Variants in AP2A2 observed in about 807,000 individuals in gnomAD.
The protein encoded by AP2A2 is adaptor related protein complex 2 subunit alpha 2.
In AP2A2, 32 loss-of-function variants were observed where a neutral mutation model predicts 104.2. The ratio of observed to expected loss-of-function variants is 0.31; its 90% CI spans 0.23 to 0.41. The LOEUF is 0.41. AP2A2 is among the 10% of genes least tolerant of loss of function. The pLI is 1.00. For synonymous variants in AP2A2, 539 were observed against 533.3 expected (o/e 1.01, Z -0.15); for missense variants, 912 against 1,261.0 (o/e 0.72, Z 4.19).
chr11:1,009,605 G>T (rs1264794465), intron 20 of AP2A2, 78 bp from the exon 21 acceptor site: 3 of 1,173,018 alleles, frequency 2.6e-6, no homozygotes, highest in Non-Finnish European at 3.6e-6. Context: ...CAGCGCCAGG[G>T]TCTGGAGGGG....
chr11:994,023 G>A (rs1431006691), intron 13 of AP2A2, 38 bp downstream of exon 13: 3 of 1,609,294 alleles, frequency 1.9e-6, no homozygotes, highest in Non-Finnish European at 2.5e-6. Flanking sequence ...CTTGGCTGAG[G>A]GTTGGAGGCC....
chr11:978,927 C>T (rs1337153332), intron 5 of AP2A2, among the ~76,000 whole-genome samples: 20 of 152,102 alleles, frequency 1.3e-4, no homozygotes, highest in Non-Finnish European at 2.9e-5. Flanking sequence ...GGCCCGAGTG[C>T]TGCATGGGCA....
intron 14 of AP2A2, among the ~76,000 whole-genome samples, chr11:997,054 C>G (rs1051902395): frequency 6.6e-6 from 1 of 152,136 alleles, no homozygotes; most frequent in Non-Finnish European, 1.5e-5. Flanking sequence ...ACACTCCTGG[C>G]GAAGTTTTCT....
chr11:1,007,878 C>T (rs1856261964), intron 17 of AP2A2, 134 bp from the exon 18 acceptor site: 3 of 1,322,516 alleles, frequency 2.3e-6, no homozygotes, highest in Non-Finnish European at 3.1e-6. Context: ...GGTGTGGCTG[C>T]CCTCGACCCG....
chr11:979,780 T>C (rs1855178964), intron 5 of AP2A2, among the ~76,000 whole-genome samples: 1 of 152,172 alleles, frequency 6.6e-6, no homozygotes, highest in Admixed American at 6.5e-5. Context: ...TTGGCCAGGC[T>C]GGTCTTGAGC....
rs748889694 is a variant in AP2A2 at position 1,009,148 on chromosome 11, C to G, written c.2469C>G (p.Leu823=). ...QNVSVQLPIT[L]NKFFQPTEMA... is the part of the protein sequence containing the mutation. The stretch of plus-strand genomic sequence containing the variant: ...TGTCTGTGCAGCTGCCCATCACTCT[C>G]AACAAATTCTTCCAGCCGACAGAAA... Residue 823 remains leucine, a synonymous_variant, in exon 19 of 22, where the codon CTC becomes CTG. Coordinates refer to ENST00000448903, the MANE Select transcript of AP2A2 (RefSeq NM_012305.4). 58 of 1,613,536 alleles carry G rather than the reference C, an allele frequency of 3.6e-5. No individual in the cohort carries two copies. Among genetic ancestry groups the G allele is most frequent in the Non-Finnish European group, 4.5e-5 (53 of 1,179,904 alleles).
At chr11:990,534 C>T (rs745826443) in intron 10 of AP2A2, among the ~76,000 whole-genome samples, 3 of 152,144 alleles carry the variant, frequency 2.0e-5, no homozygotes, top group Non-Finnish European at 2.9e-5. Flanking sequence ...TTCGTCAGCC[C>T]GGTGTCTGCT....
rs999461882 is a variant in AP2A2 at position 1,008,061 on chromosome 11, G to A, written c.2346G>A (p.Ala782=). The change falls in exon 18 of 22, where the codon GCG becomes GCA. Residue 782 remains alanine (A), a synonymous_variant. Coordinates refer to ENST00000448903, the MANE Select transcript of AP2A2 (RefSeq NM_012305.4). ...TGGACCCGACCGTGGAGGGGGGCGC[G>A]CAGGTGCAGCAGGTGGTCAACATAG... ...KPVDPTVEGG[A]QVQQVVNIEC... is the part of the protein sequence containing the mutation. The A allele has an allele frequency of 1.6e-5, 25 of 1,587,166 alleles. No individual in the cohort carries two copies. The highest frequency in any genetic ancestry group is 9.4e-5 in the African/African-American group (7 of 74,364).
At position 940,943 on chromosome 11, in the gene AP2A2, G is replaced by T. The variant is rs536328935; in HGVS notation, c.67+14855G>T. On this transcript the variant is annotated intron_variant, in intron 1 of 21. Coordinates refer to ENST00000448903, the MANE Select transcript of AP2A2 (RefSeq NM_012305.4). ...CCGGCTGCCATCATTCTGGGATGGGGCATCTCACCCCTCGGGGAGTCTGTC... is the reference window on the plus strand; with the variant it reads ...CCGGCTGCCATCATTCTGGGATGGGTCATCTCACCCCTCGGGGAGTCTGTC... The T allele has an allele frequency of 6.9e-4, 315 of 456,066 alleles. 1 individual carries two copies. The highest frequency in any genetic ancestry group is 6.1e-3 in the African/African-American group (305 of 50,192). 28.3% of individuals were successfully genotyped at this position (456,066 alleles called of 1,614,324 possible).
chr11:985,369 C>T (rs1175432740), intron 7 of AP2A2, 66 bp from the exon 8 acceptor site: 19 of 1,558,646 alleles, frequency 1.2e-5, no homozygotes, highest in Middle Eastern at 1.8e-4. Flanking sequence ...TGGGTGCAGC[C>T]GGGAGGGGCA....
chr11:933,097 T>C (rs185786041), intron 1 of AP2A2, among the ~76,000 whole-genome samples: 4,483 of 152,212 alleles, frequency 0.029, 90 homozygotes, highest in South Asian at 0.044. Context: ...TGGAAAAACA[T>C]GTCTCTACTA....
intron 6 of AP2A2, among the ~76,000 whole-genome samples, chr11:983,608 C>A (rs576690970): frequency 1.0e-3 from 153 of 152,250 alleles, no homozygotes; most frequent in South Asian, 9.3e-3. Flanking sequence ...TGGTCTCGAT[C>A]TCCTGACCTT....
chr11:972,466 G>A (rs537890735), intron 4 of AP2A2, among the ~76,000 whole-genome samples: 1 of 152,320 alleles, frequency 6.6e-6, no homozygotes, highest in African/African-American at 2.4e-5. Flanking sequence ...AGGCCAAGGT[G>A]GGAGAATCGC....
At chr11:930,984 C>T (rs1344882469) in intron 1 of AP2A2, among the ~76,000 whole-genome samples, 8 of 152,112 alleles carry the variant, frequency 5.3e-5, no homozygotes, top group South Asian at 2.1e-4. Context: ...TTTGTGTAAC[C>T]GGTTCCCTAC....
At chr11:933,657 C>T (rs1404874232) in intron 1 of AP2A2, 2 of 456,010 alleles carry the variant, frequency 4.4e-6, no homozygotes, top group Non-Finnish European at 8.8e-6. Context: ...GGGAAGAGGA[C>T]CAAGAAGAGT....
At chr11:941,801 G>T (rs1459851777) in intron 1 of AP2A2, among the ~76,000 whole-genome samples, 1 of 151,836 alleles carries the variant, frequency 6.6e-6, no homozygotes. Flanking sequence ...TGGCTAGGCT[G>T]GTGTTGAACT....
chr11:1,000,954 C>T (rs546231400), intron 15 of AP2A2, among the ~76,000 whole-genome samples: 9 of 152,314 alleles, frequency 5.9e-5, no homozygotes, highest in East Asian at 1.9e-4. Flanking sequence ...CTCCTCTCTT[C>T]GCCTCTTTCC....
At position 992,412 on chromosome 11, in the gene AP2A2, C is replaced by T. The variant is rs1166406103; in HGVS notation, c.1270-91C>T. On this transcript the variant is annotated intron_variant, in intron 10 of 21. Coordinates refer to ENST00000448903, the MANE Select transcript of AP2A2 (RefSeq NM_012305.4). This position sits in a 1 kb window ranked among gnomAD's most constrained non-coding sequence, Gnocchi z 6.4. ...CTTTTGTAGACACATTGAGGTGCTTCTGAAACTCTCACTTTGACTTTGGAC... is the reference window on the plus strand; with the variant it reads ...CTTTTGTAGACACATTGAGGTGCTTTTGAAACTCTCACTTTGACTTTGGAC... The T allele has an allele frequency of 3.0e-6, 4 of 1,352,518 alleles. No individual in the cohort carries two copies. The African/African-American group carries it at 4.3e-5, about 15-fold the overall frequency. 83.8% of individuals were successfully genotyped at this position (1,352,518 alleles called of 1,614,324 possible).
chr11:1,002,695 A>G (rs1214697684), intron 15 of AP2A2, among the ~76,000 whole-genome samples: 1 of 152,240 alleles, frequency 6.6e-6, no homozygotes, highest in Non-Finnish European at 1.5e-5. Flanking sequence ...CCTGGTCTCC[A>G]TACAGCAGGA....
Sources: allele counts gnomAD v4.1 joint callset (sites outside exome capture counted in the v4.1 genomes callset), GRCh38; gene constraint gnomAD v4.1.1; non-coding constraint Gnocchi (gnomAD v3.1); transcripts MANE v1.5; gene names NCBI Gene and HGNC (gene_info 2026-07-23, HGNC 2026-07-21).